PPARGC1A: variants seen among roughly 807,000 people sequenced by gnomAD.
PPARGC1A encodes PPARG coactivator 1 alpha.
In PPARGC1A, 25 loss-of-function variants were observed where a neutral mutation model predicts 88.7. That is an observed-to-expected ratio of 0.28 (90% CI 0.21 to 0.39). The LOEUF (loss-of-function observed/expected upper bound fraction) is 0.39, where lower values mean the gene tolerates loss of function less well. Ranked by LOEUF, PPARGC1A falls within the 10% of genes least tolerant of loss-of-function variation. The pLI, the probability that PPARGC1A is intolerant of heterozygous loss-of-function variation, is 1.00. For missense variants in PPARGC1A, 880 were observed against 968.7 expected (o/e 0.91, Z 1.22); for synonymous variants, 363 against 355.6 (o/e 1.02, Z -0.24).
intron 2 of PPARGC1A, among the ~76,000 whole-genome samples, chr4:23,849,218 C>T (rs997958197): frequency 2.6e-5 from 4 of 152,076 alleles, no homozygotes; most frequent in Admixed American, 6.5e-5. Flanking sequence ...TAAAGAGCAC[C>T]GTAATACATC....
chr4:24,270,316 TCTCTCTCTCTCTCTC>T, the PPARGC1A span, among the ~76,000 whole-genome samples: 1 of 22,592 alleles, frequency 4.4e-5, no homozygotes, highest in African/African-American at 2.0e-4. Flanking sequence ...CCTCTCTCTC[TCTCTCTCTCTCTCTC>T]TCTGTGTGTG....
the PPARGC1A span, among the ~76,000 whole-genome samples, chr4:24,077,919 A>T: frequency 6.0e-5 from 9 of 150,992 alleles, no homozygotes; most frequent in South Asian, 6.3e-4. Context: ...TCTGTTTTCT[A>T]GTTCATTAAT....
the PPARGC1A span, among the ~76,000 whole-genome samples, chr4:24,114,902 A>G: frequency 6.7e-6 from 1 of 150,232 alleles, no homozygotes; most frequent in African/African-American, 2.5e-5. Flanking sequence ...ATGAGGCTAC[A>G]TTTGCTGTGG....
At chr4:23,962,526 A>G in the PPARGC1A span, among the ~76,000 whole-genome samples, 3 of 152,188 alleles carry the variant, frequency 2.0e-5, no homozygotes, top group Non-Finnish European at 4.4e-5. Flanking sequence ...AGTCAAAAGC[A>G]GTCAATGCTT....
At chr4:23,837,331 T>A (rs955244963) in intron 2 of PPARGC1A, among the ~76,000 whole-genome samples, 6 of 152,030 alleles carry the variant, frequency 3.9e-5, no homozygotes, top group Non-Finnish European at 8.8e-5. Context: ...TGTACAAAAT[T>A]TAATGTGATT....
chr4:24,054,178 ATGTGAT>A, the PPARGC1A span, among the ~76,000 whole-genome samples: 51 of 152,144 alleles, frequency 3.4e-4, 1 homozygote, highest in African/African-American at 1.2e-3. Context: ...AAGAATCTGA[ATGTGAT>A]TTTAAGAAGA....
chr4:24,122,909 G>T, the PPARGC1A span, among the ~76,000 whole-genome samples: 1 of 152,106 alleles, frequency 6.6e-6, no homozygotes, highest in African/African-American at 2.4e-5. Context: ...AGAAGACCCC[G>T]GGATAACATG....
chr4:23,901,219 A>C (rs1719306700), upstream of PPARGC1A, among the ~76,000 whole-genome samples: 2 of 152,044 alleles, frequency 1.3e-5, no homozygotes, highest in Non-Finnish European at 2.9e-5. Context: ...AAATATAAAA[A>C]ATTAGCCAGG....
intron 7 of PPARGC1A, chr4:23,820,678 T>C (rs1722855941): frequency 2.3e-6 from 1 of 430,350 alleles, no homozygotes; most frequent in Non-Finnish European, 4.7e-6. Flanking sequence ...CAAAATGAGC[T>C]AGTTTAGGAC....
the PPARGC1A span, among the ~76,000 whole-genome samples, chr4:24,238,868 C>T: frequency 6.6e-6 from 1 of 151,054 alleles, no homozygotes; most frequent in Non-Finnish European, 1.5e-5. Flanking sequence ...CCCACATGAA[C>T]ATGCTAAGTG....
the PPARGC1A span, among the ~76,000 whole-genome samples, chr4:24,431,446 G>A: frequency 6.6e-6 from 1 of 152,148 alleles, no homozygotes; most frequent in African/African-American, 2.4e-5. Context: ...ATATAACTGA[G>A]ATAGAAACAT....
chr4:24,055,325 G>A, the PPARGC1A span, among the ~76,000 whole-genome samples: 2 of 152,182 alleles, frequency 1.3e-5, no homozygotes, highest in African/African-American at 4.8e-5. Context: ...TCAAGAAGTA[G>A]TGGTGAATTA....
chr4:23,862,290 C>G (rs4496570), intron 2 of PPARGC1A, among the ~76,000 whole-genome samples: 1 of 152,180 alleles, frequency 6.6e-6, no homozygotes, highest in Non-Finnish European at 1.5e-5. Context: ...AATCAGGGAA[C>G]ACTTCCTGAA....
At chr4:24,318,125 C>G in the PPARGC1A span, among the ~76,000 whole-genome samples, 1 of 152,168 alleles carries the variant, frequency 6.6e-6, no homozygotes, top group Non-Finnish European at 1.5e-5. Flanking sequence ...GTTGTGCTAT[C>G]TATTTTTAAT....
the PPARGC1A span, among the ~76,000 whole-genome samples, chr4:23,954,958 G>C: frequency 6.6e-6 from 1 of 152,014 alleles, no homozygotes; most frequent in East Asian, 1.9e-4. Flanking sequence ...GCATCGCTGG[G>C]TATCAGTATT....
At chr4:24,338,778 C>T in the PPARGC1A span, among the ~76,000 whole-genome samples, 1 of 151,700 alleles carries the variant, frequency 6.6e-6, no homozygotes, top group Non-Finnish European at 1.5e-5. Context: ...AGCTTTCCAA[C>T]AAAAGCACAA....
intron 2 of PPARGC1A, among the ~76,000 whole-genome samples, chr4:23,867,657 C>T (rs1712313032): frequency 1.3e-5 from 2 of 152,300 alleles, no homozygotes; most frequent in Admixed American, 1.3e-4. Context: ...TGATCACAGA[C>T]TATAAATGAA....
At chr4:24,281,758 C>T in the PPARGC1A span, among the ~76,000 whole-genome samples, 1 of 152,138 alleles carries the variant, frequency 6.6e-6, no homozygotes. Flanking sequence ...TTCCCCCCCA[C>T]CCCCAATCTT....
chr4:24,199,741 G>T, the PPARGC1A span, among the ~76,000 whole-genome samples: 1 of 152,122 alleles, frequency 6.6e-6, no homozygotes, highest in Admixed American at 6.6e-5. Context: ...ATACAGAAGC[G>T]GTCATTCCCC....
Sources: gnomAD v4.1 joint callset for allele counts (sites outside exome capture counted in the v4.1 genomes callset) on GRCh38, gnomAD v4.1.1 for gene constraint, MANE v1.5 for transcripts, NCBI Gene and HGNC (gene_info 2026-07-23, HGNC 2026-07-21) for gene names.